The following GALNT13 variants were observed in gnomAD, a reference collection of about 807,000 sequenced individuals.
GALNT13 encodes UDP-GalNAc:polypeptide N-acetylgalactosaminyltransferase 13.
GALNT13 carries 28 observed loss-of-function variants against 64.2 expected under a neutral mutation model. That is an observed-to-expected ratio of 0.44 (90% CI 0.32 to 0.60). The LOEUF (loss-of-function observed/expected upper bound fraction) is 0.60, where lower values mean the gene tolerates loss of function less well. Ranked by LOEUF, GALNT13 falls within the 20% of genes least tolerant of loss-of-function variation. The pLI, the probability that GALNT13 is intolerant of heterozygous loss-of-function variation, is 0.05. For synonymous variants in GALNT13, 214 were observed against 224.6 expected (o/e 0.95, Z 0.42); for missense variants, 577 against 669.8 (o/e 0.86, Z 1.53).
the GALNT13 span, among the ~76,000 whole-genome samples, chr2:153,464,419 A>G: frequency 3.9e-5 from 6 of 152,076 alleles, no homozygotes; most frequent in Admixed American, 1.3e-4. Context: ...AAGTTTGAAG[A>G]TGATTTATTG....
At chr2:153,086,282 A>G in the GALNT13 span, among the ~76,000 whole-genome samples, 2 of 152,270 alleles carry the variant, frequency 1.3e-5, no homozygotes, top group Admixed American at 1.3e-4. Flanking sequence ...ACCTTGAGGA[A>G]CTGTTGGGAA....
chr2:153,379,254 T>C, the GALNT13 span, among the ~76,000 whole-genome samples: 1 of 152,214 alleles, frequency 6.6e-6, no homozygotes, highest in African/African-American at 2.4e-5. Flanking sequence ...AACAAAAACC[T>C]AGCAATGTAT....
At chr2:153,301,747 A>T in the GALNT13 span, among the ~76,000 whole-genome samples, 2 of 152,192 alleles carry the variant, frequency 1.3e-5, no homozygotes, top group African/African-American at 4.8e-5. Flanking sequence ...GTTCACACAT[A>T]AGTGAGGTTA....
At chr2:154,225,533 A>C (rs902414328) in intron 4 of GALNT13, among the ~76,000 whole-genome samples, 35 of 152,242 alleles carry the variant, frequency 2.3e-4, no homozygotes, top group African/African-American at 7.7e-4. Flanking sequence ...GTATGTGAAA[A>C]AATACATGCA....
the GALNT13 span, among the ~76,000 whole-genome samples, chr2:153,298,402 C>T: frequency 6.6e-6 from 1 of 152,154 alleles, no homozygotes. Flanking sequence ...GACTGATATT[C>T]CACTATTAAA....
intron 4 of GALNT13, among the ~76,000 whole-genome samples, chr2:154,208,658 G>A (rs189225783): frequency 7.1e-6 from 1 of 141,084 alleles, no homozygotes; most frequent in East Asian, 2.5e-4. Context: ...GTGTGTGTGT[G>A]TGTGTGTGTG....
At chr2:153,437,485 A>G in the GALNT13 span, among the ~76,000 whole-genome samples, 1 of 152,048 alleles carries the variant, frequency 6.6e-6, no homozygotes, top group Non-Finnish European at 1.5e-5. Context: ...GTCACTCAGG[A>G]CTTGCTTTAT....
At chr2:153,694,032 C>T in the GALNT13 span, among the ~76,000 whole-genome samples, 49 of 152,080 alleles carry the variant, frequency 3.2e-4, no homozygotes, top group South Asian at 1.7e-3. Context: ...GGCGTGAACC[C>T]GGGAGGCAGA....
the GALNT13 span, among the ~76,000 whole-genome samples, chr2:153,681,950 C>CT: frequency 6.6e-6 from 1 of 151,728 alleles, no homozygotes; most frequent in African/African-American, 2.4e-5. Flanking sequence ...TGATTACCAT[C>CT]TTTAAGCTGT....
chr2:154,299,758 C>T (rs1318864709), intron 8 of GALNT13, among the ~76,000 whole-genome samples: 20 of 151,926 alleles, frequency 1.3e-4, no homozygotes, highest in South Asian at 8.3e-4. Context: ...CCACCGCGCC[C>T]GGCCTGAAAT....
the GALNT13 span, among the ~76,000 whole-genome samples, chr2:153,128,061 T>C: frequency 6.6e-6 from 1 of 152,220 alleles, no homozygotes. Context: ...AGGTACAAGG[T>C]AGAGAAGGAT....
the GALNT13 span, among the ~76,000 whole-genome samples, chr2:153,753,250 G>A: frequency 4.6e-5 from 7 of 152,048 alleles, no homozygotes; most frequent in African/African-American, 1.7e-4. Context: ...CGCTGGTGCT[G>A]TATTTAGTTT....
At chr2:153,731,282 T>C in the GALNT13 span, among the ~76,000 whole-genome samples, 4 of 151,858 alleles carry the variant, frequency 2.6e-5, no homozygotes, top group Non-Finnish European at 5.9e-5. Flanking sequence ...TTCTCATGTA[T>C]AAGTGGAAGC....
intron 11 of GALNT13, among the ~76,000 whole-genome samples, chr2:154,414,854 C>A (rs1699941352): frequency 6.6e-6 from 1 of 151,822 alleles, no homozygotes. Flanking sequence ...AATACTTTCT[C>A]TTTTTTGTGT....
rs140210754 is a variant in GALNT13, at chr2:154,132,464, A to G, written c.143-7873A>G. 9.2e-5 allele frequency among the ~76,000 whole-genome samples: 14 copies of G among 152,186 alleles called. No homozygotes were observed. The East Asian group carries it at 2.7e-3, about 29-fold the overall frequency. On this transcript the variant is annotated intron_variant, in intron 3 of 12. Coordinates refer to ENST00000392825, the MANE Select transcript of GALNT13 (RefSeq NM_052917.4). ...TTCTATGCATCATTTTAATCACTGC[A>G]TAGTTTTCTTATATGAATGCAACAC...
chr2:154,362,955 T>G (rs1349340504), intron 9 of GALNT13, among the ~76,000 whole-genome samples: 2 of 152,192 alleles, frequency 1.3e-5, no homozygotes. Flanking sequence ...ATTGTCAGTT[T>G]ATTTTTGAGT....
At chr2:153,536,946 G>A in the GALNT13 span, among the ~76,000 whole-genome samples, 1 of 152,174 alleles carries the variant, frequency 6.6e-6, no homozygotes, top group Non-Finnish European at 1.5e-5. Context: ...GACAGTATTT[G>A]ACACATAGTT....
chr2:153,647,648 T>C, the GALNT13 span, among the ~76,000 whole-genome samples: 1 of 152,156 alleles, frequency 6.6e-6, no homozygotes, highest in Non-Finnish European at 1.5e-5. Flanking sequence ...TTGTATAAGG[T>C]GTAAGGAAGG....
At chr2:154,222,989 A>C (rs1295753052) in intron 4 of GALNT13, among the ~76,000 whole-genome samples, 1 of 152,182 alleles carries the variant, frequency 6.6e-6, no homozygotes, top group African/African-American at 2.4e-5. Flanking sequence ...TCTAGTTCAG[A>C]GTTCACGTGT....
Sources: allele counts gnomAD v4.1 joint callset (sites outside exome capture counted in the v4.1 genomes callset), GRCh38; gene constraint gnomAD v4.1.1; transcripts MANE v1.5; gene names NCBI Gene and HGNC (gene_info 2026-07-23, HGNC 2026-07-21).